PCDHGA1: variants seen among roughly 807,000 people sequenced by gnomAD.
The protein encoded by PCDHGA1 is protocadherin gamma subfamily A, 1.
A neutral mutation model predicts 58.0 loss-of-function variants in PCDHGA1; 32 were observed. The observed-to-expected ratio is 0.55, with a 90% CI of 0.42 to 0.74. The LOEUF is 0.74. Among genes scored for constraint, PCDHGA1 ranks in the 30% least tolerant of loss-of-function variants. The pLI, the probability that PCDHGA1 is intolerant of heterozygous loss-of-function variation, is 0.00. For missense variants in PCDHGA1, 1,205 were observed against 1,182.3 expected, an observed-to-expected ratio of 1.02 and a Z score of -0.28; for synonymous variants, 498 against 501.1, an observed-to-expected ratio of 0.99 and a Z score of 0.08.
Position 141,331,639 on chromosome 5 carries a change from G to C in PCDHGA1, c.955G>C (p.Val319Leu), listed in dbSNP as rs142099106. 150 of 1,614,150 alleles carry C rather than the reference G, an allele frequency of 9.3e-5. No homozygotes were observed. Among genetic ancestry groups the C allele is most frequent in the East Asian group, 3.8e-4 (17 of 44,880 alleles). Reference sequence around the variant, plus strand: ...AGAATACAAAATGTATTCAATGGAAGTTCAAGCCCAGGATGGTGCGGGGCT... The same window carrying C: ...AGAATACAAAATGTATTCAATGGAACTTCAAGCCCAGGATGGTGCGGGGCT... ...FEEYKMYSME[V>L]QAQDGAGLMA... is the part of the protein sequence containing the mutation. Residue 319 changes from valine to leucine, a missense_variant, in exon 1 of 4, where the codon GTT becomes CTT. Val to Leu is a conservative substitution (Grantham distance 32). Transcript: ENST00000517417.
intron 1 of PCDHGA1, chr5:141,360,248 C>T (rs765556005): frequency 6.2e-7 from 1 of 1,613,920 alleles, no homozygotes; most frequent in South Asian, 1.1e-5. Context: ...TATTCAATTC[C>T]AGAGGAGCTG....
intron 1 of PCDHGA1, chr5:141,366,813 T>G (rs1281662720): frequency 6.5e-7 from 1 of 1,549,490 alleles, no homozygotes. Flanking sequence ...TTTTCATGTT[T>G]CTGTCATATT....
chr5:141,401,765 G>C (rs2094191872), intron 1 of PCDHGA1, among the ~76,000 whole-genome samples: 1 of 152,138 alleles, frequency 6.6e-6, no homozygotes. Context: ...CATGGTATAA[G>C]TCTTTTGCTT....
At chr5:141,349,095 G>A (rs1758233219) in intron 1 of PCDHGA1, among the ~76,000 whole-genome samples, 3 of 152,170 alleles carry the variant, frequency 2.0e-5, no homozygotes. Context: ...TTTTGAGACA[G>A]AGTCTTGCTC....
chr5:141,340,230 T>C (rs1385798687), intron 1 of PCDHGA1: 1 of 1,614,164 alleles, frequency 6.2e-7, no homozygotes, highest in African/African-American at 1.3e-5. Context: ...TTTTACAACA[T>C]CACTCTAACC....
intron 1 of PCDHGA1, chr5:141,357,263 G>A (rs2149795204): frequency 1.9e-6 from 3 of 1,613,814 alleles, no homozygotes; most frequent in East Asian, 4.5e-5. Context: ...GACGACTCGG[G>A]CCTCACACTC....
intron 1 of PCDHGA1, chr5:141,372,762 A>G (rs1769049237): frequency 6.2e-7 from 1 of 1,612,570 alleles, no homozygotes; most frequent in South Asian, 1.1e-5. Flanking sequence ...TTGGTTTGAA[A>G]GTAATGACAA....
chr5:141,375,114 T>G, intron 1 of PCDHGA1: 1 of 1,613,970 alleles, frequency 6.2e-7, no homozygotes, highest in African/African-American at 1.3e-5. Context: ...AATGATAATG[T>G]ACCAGAAGTG....
intron 1 of PCDHGA1, among the ~76,000 whole-genome samples, chr5:141,347,013 C>T (rs1757842887): frequency 6.6e-6 from 1 of 150,588 alleles, no homozygotes; most frequent in Non-Finnish European, 1.5e-5. Context: ...TCCTTCCTTC[C>T]TCTCTCTTTC....
intron 1 of PCDHGA1, chr5:141,429,155 G>A (rs115622025): frequency 0.044 from 6,389 of 145,752 alleles, 216 homozygotes; most frequent in African/African-American, 0.099. Flanking sequence ...CACCCGGCCC[G>A]GAGACATTGT....
intron 1 of PCDHGA1, among the ~76,000 whole-genome samples, chr5:141,465,879 T>C (rs979784878): frequency 6.6e-6 from 1 of 152,062 alleles, no homozygotes; most frequent in African/African-American, 2.4e-5. Context: ...TCCCAGCACT[T>C]TGGGAGGCCG....
At chr5:141,502,547 C>G (rs1340258642) in intron 2 of PCDHGA1, among the ~76,000 whole-genome samples, 2 of 152,156 alleles carry the variant, frequency 1.3e-5, no homozygotes, top group East Asian at 3.8e-4. Context: ...GTGGTAAAAA[C>G]AGTGTCCCAG....
intron 1 of PCDHGA1, chr5:141,383,954 T>C: frequency 6.2e-7 from 1 of 1,613,650 alleles, no homozygotes; most frequent in Non-Finnish European, 8.5e-7. Flanking sequence ...ATGACGTCTT[T>C]AAGTAGCTCA....
chr5:141,405,595 A>C (rs1255161296), intron 1 of PCDHGA1: 1 of 578,138 alleles, frequency 1.7e-6, no homozygotes, highest in Non-Finnish European at 3.1e-6. Flanking sequence ...CAGGCCTCCC[A>C]AGTAGAATAA....
At chr5:141,355,694 A>G in intron 1 of PCDHGA1, 2 of 1,613,824 alleles carry the variant, frequency 1.2e-6, no homozygotes, top group Non-Finnish European at 1.7e-6. Context: ...GTAGGTGTAA[A>G]CTCCCTGCAG....
At chr5:141,399,593 C>T in intron 1 of PCDHGA1, 1 of 1,613,988 alleles carries the variant, frequency 6.2e-7, no homozygotes, top group Non-Finnish European at 8.5e-7. Flanking sequence ...TCTATCATGG[C>T]CAGCGACCTA....
rs1419377760 is a variant in PCDHGA1 at position 141,418,687 on chromosome 5, GATCACTT to G, written c.2422-76117_2422-76111del. ...ACCAGGACGAGGGCATCAACTCAGA[GATCACTT>G]ATTCCTTCTTTGGTGTGGCTGACAA... On this transcript the variant is annotated intron_variant, in intron 1 of 3. Transcript: ENST00000517417. 6 of 1,613,928 alleles carry G rather than the reference GATCACTT, an allele frequency of 3.7e-6. No individual in the cohort carries two copies. In the African/African-American group the frequency reaches 8.0e-5, roughly 22 times the overall value.
In PCDHGA1 at chr5:141,387,729, A is replaced by C. The variant is rs536775462; in HGVS notation, c.2421+54624A>C. ...GCCCCAGCTCAGACTCCCCAGCGCC[A>C]GCCTTTACACCGCTTCCTCCTCGGA... On this transcript the variant is annotated intron_variant, in intron 1 of 3. Coordinates refer to ENST00000517417, the MANE Select transcript of PCDHGA1 (RefSeq NM_018912.3). The C allele has an allele frequency of 4.9e-6, 6 of 1,227,140 alleles. No individual in the cohort carries two copies. The African/African-American group carries it at 7.6e-5, about 16-fold the overall frequency. The allele number at this position is 1,227,140 out of a possible 1,614,324, so 76.0% of individuals were successfully genotyped here.
chr5:141,371,271 A>C (rs1251715871), intron 1 of PCDHGA1: 2 of 1,613,938 alleles, frequency 1.2e-6, no homozygotes, highest in Non-Finnish European at 1.7e-6. Flanking sequence ...ACAACTGTTC[A>C]AGCTGGACAG....
Sources: allele counts gnomAD v4.1 joint callset (sites outside exome capture counted in the v4.1 genomes callset), GRCh38; gene constraint gnomAD v4.1.1; transcripts MANE v1.5; gene names NCBI Gene and HGNC (gene_info 2026-07-23, HGNC 2026-07-21).